The following SDC2 variants were observed in gnomAD, a reference collection of about 807,000 sequenced individuals.
SDC2 encodes the protein syndecan 2, also known as syndecan-2.
A neutral mutation model predicts 22.2 loss-of-function variants in SDC2; 13 were observed. That is an observed-to-expected ratio of 0.59 (90% confidence interval 0.38 to 0.93). The LOEUF (loss-of-function observed/expected upper bound fraction) is 0.93. Among genes scored for constraint, SDC2 ranks in the 40% least tolerant of loss-of-function variants. SDC2 has a pLI of 0.00. For missense variants in SDC2, 235 were observed against 246.8 expected (o/e 0.95, Z 0.32); for synonymous variants, 94 against 92.8 (o/e 1.01, Z -0.07).
rs1815142857 is a variant in SDC2, at chr8:96,609,623, A to T, written c.*75A>T. ...AAAGCTTTTGCATAGAATAATGAAG[A>T]TCTTTGTTTTTTGTTTTCATTAAAG... On this transcript the variant is annotated 3_prime_UTR_variant, in exon 5 of 5. Transcript: ENST00000302190. The T allele has an allele frequency of 9.1e-7, 1 of 1,097,518 alleles. No homozygotes were observed. The highest frequency in any genetic ancestry group is 1.2e-6 in the Non-Finnish European group (1 of 809,308). The allele number at this position is 1,097,518 out of a possible 1,614,324, so 68.0% of individuals were successfully genotyped here.
At chr8:96,600,765 C>CA (rs1814968017) in intron 2 of SDC2, among the ~76,000 whole-genome samples, 1 of 152,150 alleles carries the variant, frequency 6.6e-6, no homozygotes, top group African/African-American at 2.4e-5. Flanking sequence ...GAGGAGAAGA[C>CA]AAAGGGACCA....
intron 1 of SDC2, among the ~76,000 whole-genome samples, chr8:96,525,267 C>T (rs1337077522): frequency 6.6e-6 from 1 of 151,492 alleles, no homozygotes; most frequent in African/African-American, 2.4e-5. Context: ...CCTAGAGAAG[C>T]TTCTGTGCTT....
chr8:96,548,404 T>C (rs1466586513), intron 1 of SDC2, among the ~76,000 whole-genome samples: 1 of 152,170 alleles, frequency 6.6e-6, no homozygotes, highest in Non-Finnish European at 1.5e-5. Context: ...GCATTTTGGA[T>C]CTCAGATTTT....
At chr8:96,502,541 C>T (rs1399475981) in intron 1 of SDC2, among the ~76,000 whole-genome samples, 1 of 93,448 alleles carries the variant, frequency 1.1e-5, no homozygotes, top group African/African-American at 3.6e-5. Flanking sequence ...GTTTTAGTCT[C>T]CTCATATGGT....
chr8:96,565,084 A>ATTTTTTTTTTTTTTTTTTTT (rs11304418), intron 1 of SDC2, among the ~76,000 whole-genome samples: 1,500 of 67,678 alleles, frequency 0.022, 347 homozygotes, highest in African/African-American at 0.031. Context: ...CCTAAATTTG[A>ATTTTTTTTTTTTTTTTTTTT]TTTTTTTTTT....
At position 96,494,106 on chromosome 8, in the gene SDC2, A is replaced by C. The variant is rs1480932075; in HGVS notation, c.-166A>C. ...CGGCGGGAGCAGGCGCAGGAGGAGG[A>C]AGCGAGCGCCCCCGAGCCCCGAGCC... is the stretch of plus-strand genomic sequence containing the variant. On this transcript the variant is annotated 5_prime_UTR_variant, in exon 1 of 5. Transcript: ENST00000302190. 6 of 624,236 alleles carry C rather than the reference A, an allele frequency of 9.6e-6. No individual in the cohort carries two copies. Among genetic ancestry groups the C allele is most frequent in the Non-Finnish European group, 1.6e-5 (6 of 376,958 alleles). The allele number at this position is 624,236 out of a possible 1,614,324, so 38.7% of individuals were successfully genotyped here.
chr8:96,507,836 T>C (rs1813265560), intron 1 of SDC2, among the ~76,000 whole-genome samples: 1 of 152,214 alleles, frequency 6.6e-6, no homozygotes. Flanking sequence ...TTGCCAATCT[T>C]AGATGTAGGC....
chr8:96,576,476 G>GT (rs1491426375), intron 1 of SDC2, among the ~76,000 whole-genome samples: 16 of 82,402 alleles, frequency 1.9e-4, no homozygotes, highest in Admixed American at 3.9e-4. Flanking sequence ...CTGGAGTGCA[G>GT]TGGCGGGACC....
intron 1 of SDC2, among the ~76,000 whole-genome samples, chr8:96,500,522 C>T (rs1011814403): frequency 4.6e-5 from 7 of 151,654 alleles, no homozygotes; most frequent in Non-Finnish European, 7.4e-5. Flanking sequence ...ATTAGCCGGG[C>T]GTGGTGATGG....
chr8:96,547,472 G>A (rs1423059151), intron 1 of SDC2, among the ~76,000 whole-genome samples: 3 of 152,174 alleles, frequency 2.0e-5, no homozygotes, highest in East Asian at 1.9e-4. Context: ...GAAGCCACTA[G>A]GAACTGTTAG....
At position 96,610,587 on chromosome 8, in the gene SDC2, A is replaced by G. The variant is rs1173052175; in HGVS notation, c.*1039A>G. 6.6e-6 allele frequency: 1 copy of G among 152,666 alleles called. No homozygotes were observed. The highest frequency in any genetic ancestry group is 2.4e-5 in the African/African-American group (1 of 41,462). The allele number at this position is 152,666 out of a possible 1,614,324, so 9.5% of individuals were successfully genotyped here. ...TTTGTAGTCTTATGAATAGACATAA[A>G]TTGTAATTTGGGAACATAAAAACTA... is the stretch of plus-strand genomic sequence containing the variant. On this transcript the variant is annotated 3_prime_UTR_variant, in exon 5 of 5. Transcript: ENST00000302190.
At chr8:96,543,621 T>C (rs34366211) in intron 1 of SDC2, among the ~76,000 whole-genome samples, 7,783 of 152,270 alleles carry the variant, frequency 0.051, 589 homozygotes, top group East Asian at 0.32. Flanking sequence ...AGTCTAAACA[T>C]AGGGTGCTCT....
intron 1 of SDC2, chr8:96,584,892 T>C (rs1814655583): frequency 6.6e-6 from 1 of 152,206 alleles, no homozygotes; most frequent in African/African-American, 2.4e-5. Context: ...GTCCCAGGCG[T>C]TGCTTTAGTA....
At chr8:96,587,691 A>G (rs1176620262) in intron 1 of SDC2, among the ~76,000 whole-genome samples, 1 of 152,150 alleles carries the variant, frequency 6.6e-6, no homozygotes, top group Non-Finnish European at 1.5e-5. Context: ...TTCCCCATCT[A>G]TGATGCCAAG....
intron 1 of SDC2, chr8:96,537,382 T>C (rs1813770521): frequency 6.6e-6 from 1 of 152,214 alleles, no homozygotes; most frequent in Non-Finnish European, 1.5e-5. Context: ...CTTGAATTGC[T>C]TGGGATCCCA....
Position 96,494,237 on chromosome 8 carries a change from A to T in SDC2, c.-35A>T. On this transcript the variant is annotated 5_prime_UTR_variant, in exon 1 of 5. Transcript: ENST00000302190. ...GGAGGCTTCGTTTTGCCCTGGTTGC[A>T]AGCAGCGGCTGGGAGCAGCCGGTCC... 1 of 1,540,004 alleles carries T rather than the reference A, an allele frequency of 6.5e-7. No individual in the cohort carries two copies. The highest frequency in any genetic ancestry group is 8.7e-7 in the Non-Finnish European group (1 of 1,146,044).
In SDC2 at chr8:96,499,683, A is replaced by G. The variant is rs981049369; in HGVS notation, c.60+5352A>G. Among the ~76,000 whole-genome samples, 5 of 152,128 alleles carry G rather than the reference A, an allele frequency of 3.3e-5. 1 individual carries two copies. The South Asian group carries it at 1.0e-3, about 32-fold the overall frequency. ...CCTTTATAACATGACTGTTGTGAAG[A>G]TGAAATGAAGGGAGCATATGAATGG... On this transcript the variant is annotated intron_variant, in intron 1 of 4. Transcript: ENST00000302190.
intron 1 of SDC2, among the ~76,000 whole-genome samples, chr8:96,563,463 A>T (rs1453512105): frequency 6.6e-6 from 1 of 152,140 alleles, no homozygotes. Flanking sequence ...AATATCTTGT[A>T]CTTTTCCACT....
intron 1 of SDC2, among the ~76,000 whole-genome samples, chr8:96,550,062 C>A (rs922395443): frequency 1.2e-4 from 18 of 152,116 alleles, no homozygotes; most frequent in African/African-American, 4.3e-4. Context: ...GGTCTCTTAG[C>A]TCATCTGAAA....
Sources: allele counts gnomAD v4.1 joint callset (sites outside exome capture counted in the v4.1 genomes callset), GRCh38; gene constraint gnomAD v4.1.1; transcripts MANE v1.5; gene names NCBI Gene and HGNC (gene_info 2026-07-23, HGNC 2026-07-21).